DISP1: variants seen among roughly 807,000 people sequenced by gnomAD.
DISP1 encodes protein dispatched homolog 1.
Under a neutral mutation model 37.3 loss-of-function variants are expected in DISP1, and 30 were observed. The ratio of observed to expected loss-of-function variants is 0.80; its 90% CI spans 0.60 to 1.09. The LOEUF (loss-of-function observed/expected upper bound fraction) is 1.09. Among genes scored for constraint, DISP1 ranks in the 50% least tolerant of loss-of-function variants. The probability of loss-of-function intolerance (pLI) is 0.00; values close to 1 mark genes in which losing one functional copy is unlikely to be tolerated. For missense variants in DISP1, 1,598 were observed against 1,879.5 expected (o/e 0.85, Z 2.77); for synonymous variants, 634 against 690.2 (o/e 0.92, Z 1.28).
chr1:222,902,497 T>C (rs1485576674), intron 1 of DISP1, among the ~76,000 whole-genome samples: 4 of 152,076 alleles, frequency 2.6e-5, no homozygotes, highest in Admixed American at 2.0e-4. Context: ...CAAAAGAAAC[T>C]ACCATCAGAG....
intron 3 of DISP1, among the ~76,000 whole-genome samples, chr1:222,981,815 A>C (rs1307114756): frequency 6.6e-6 from 1 of 152,202 alleles, no homozygotes; most frequent in South Asian, 2.1e-4. Context: ...ATTTCATTTT[A>C]AGAAAGAGTA....
At chr1:222,823,931 CAACTTGACA>C (rs1663618278) in intron 1 of DISP1, 2 of 147,540 alleles carry the variant, frequency 1.4e-5, no homozygotes. Flanking sequence ...GGACCTTTTT[CAACTTGACA>C]AATAGGTATA....
chr1:223,002,798 T>C lies in DISP1; in HGVS notation c.1401T>C (p.Ile467=), dbSNP rs766527402. The change falls in exon 9 of 9, where the codon ATT becomes ATC. Residue 467 remains isoleucine, a synonymous_variant. Transcript: ENST00000675850. ...AGAAAGGGGAGAGCATGATGAACAT[T>C]TACTTGGACAACTTTGAAAACTGGA... ...PTEKGESMMN[I]YLDNFENWNS... 6.2e-6 allele frequency: 10 copies of C among 1,613,964 alleles called. No homozygotes were observed. The highest frequency in any genetic ancestry group is 8.5e-6 in the Non-Finnish European group (10 of 1,180,038).
At chr1:222,884,753 G>A (rs1558310979) in intron 1 of DISP1, among the ~76,000 whole-genome samples, 1 of 152,138 alleles carries the variant, frequency 6.6e-6, no homozygotes, top group South Asian at 2.1e-4. Context: ...TGATTAATGA[G>A]TATCTTTTGC....
In DISP1 at chr1:223,004,642, C is replaced by T. The variant is rs765224335; in HGVS notation, c.3245C>T (p.Ala1082Val). 1.7e-5 allele frequency: 27 copies of T among 1,613,922 alleles called. No individual in the cohort carries two copies. The highest frequency in any genetic ancestry group is 2.2e-5 in the Non-Finnish European group (26 of 1,180,008). Reference protein sequence around the residue: ...VIFSLSRVGSAMAMAALTTFV... With the variant: ...VIFSLSRVGSVMAMAALTTFV... ...TTCTCTCTGAGTCGCGTGGGCTCTG[C>T]GATGGCCATGGCTGCCCTGACCACC... Residue 1082 changes from alanine (A) to valine (V), a missense_variant, in exon 9 of 9, where the codon GCG (alanine) becomes GTG (valine). By Grantham distance (64) the Ala-to-Val change is moderately conservative. Coordinates refer to ENST00000675850, the MANE Select transcript of DISP1 (RefSeq NM_001377229.1). The surrounding 1 kb of genome is among the most constrained non-coding windows in gnomAD (Gnocchi z 4.9).
At position 222,914,002 on chromosome 1, in the gene DISP1, GT is replaced by G. The variant is rs34776955; in HGVS notation, c.-158-14412del. ...TACTGTTATATGTGTTTTTTTGGTTGTTTTTTTTTTTTTTTTAACCCAAGCT... is the reference window on the plus strand; with the variant it reads ...TACTGTTATATGTGTTTTTTTGGTTGTTTTTTTTTTTTTTTAACCCAAGCT... On this transcript the variant is annotated intron_variant, in intron 1 of 8. Coordinates refer to ENST00000675850, the MANE Select transcript of DISP1 (RefSeq NM_001377229.1). Among the ~76,000 whole-genome samples, 563 of 128,656 alleles carry G rather than the reference GT, an allele frequency of 4.4e-3. 1 individual carries two copies. Among genetic ancestry groups the G allele is most frequent in the Middle Eastern group, 0.014 (3 of 218 alleles). The allele number at this position is 128,656 out of a possible 152,430, so 84.4% of individuals were successfully genotyped here.
intron 1 of DISP1, among the ~76,000 whole-genome samples, chr1:222,817,487 G>T (rs1661535683): frequency 2.0e-5 from 3 of 152,110 alleles, no homozygotes; most frequent in Admixed American, 1.3e-4. Flanking sequence ...TCAATTATCG[G>T]CATACTCTAG....
intron 1 of DISP1, among the ~76,000 whole-genome samples, chr1:222,826,192 C>G (rs1381352195): frequency 6.6e-6 from 1 of 152,096 alleles, no homozygotes; most frequent in African/African-American, 2.4e-5. Flanking sequence ...GCTTGAGCCA[C>G]CATGCCCAGC....
chr1:222,939,555 G>T (rs1674224174), intron 2 of DISP1, among the ~76,000 whole-genome samples: 1 of 151,950 alleles, frequency 6.6e-6, no homozygotes, highest in African/African-American at 2.4e-5. Flanking sequence ...GGGCACAGTG[G>T]CTCACGCCTG....
At chr1:222,938,695 T>C (rs1674146286) in intron 2 of DISP1, among the ~76,000 whole-genome samples, 1 of 128,894 alleles carries the variant, frequency 7.8e-6, no homozygotes, top group Admixed American at 9.9e-5. Context: ...ATCGCACCAG[T>C]GCACTCAAGC....
chr1:222,939,863 C>A (rs201266666), intron 2 of DISP1, among the ~76,000 whole-genome samples: 1 of 151,380 alleles, frequency 6.6e-6, no homozygotes, highest in Non-Finnish European at 1.5e-5. Context: ...CAGTGGCTCA[C>A]GCCTGTAATC....
At chr1:222,842,315 A>ATTT (rs757221485) in intron 1 of DISP1, among the ~76,000 whole-genome samples, 10,357 of 147,810 alleles carry the variant, frequency 0.07, 401 homozygotes, top group Non-Finnish European at 0.087. Context: ...TGTCATTTTA[A>ATTT]AAAAAAAAAA....
intron 4 of DISP1, among the ~76,000 whole-genome samples, chr1:222,985,314 C>G (rs186401192): frequency 6.6e-6 from 1 of 152,162 alleles, no homozygotes; most frequent in East Asian, 1.9e-4. Flanking sequence ...TTATTGCTTC[C>G]CTTATTGAAT....
intron 1 of DISP1, among the ~76,000 whole-genome samples, chr1:222,883,796 C>G (rs72742233): frequency 0.054 from 8,287 of 152,220 alleles, 343 homozygotes; most frequent in Middle Eastern, 0.095. Context: ...TGTAGTGTTA[C>G]AATTCTATAC....
intron 2 of DISP1, among the ~76,000 whole-genome samples, chr1:222,936,693 G>C (rs59520067): frequency 1.1e-4 from 10 of 87,712 alleles, no homozygotes; most frequent in African/African-American, 2.2e-4. Flanking sequence ...TAAAATATAT[G>C]ATATATATCA....
At chr1:222,975,582 AT>A (rs1677255760) in intron 3 of DISP1, among the ~76,000 whole-genome samples, 1 of 151,986 alleles carries the variant, frequency 6.6e-6, no homozygotes, top group Non-Finnish European at 1.5e-5. Flanking sequence ...TTTTTTAAAA[AT>A]TTCCCTTGCC....
chr1:222,869,165 G>T (rs1050479733), intron 1 of DISP1, among the ~76,000 whole-genome samples: 2 of 152,090 alleles, frequency 1.3e-5, no homozygotes, highest in African/African-American at 4.8e-5. Flanking sequence ...AAGTGTAAAT[G>T]CTCCTGTAAT....
chr1:222,917,496 G>A (rs901926688), intron 1 of DISP1, among the ~76,000 whole-genome samples: 4 of 152,210 alleles, frequency 2.6e-5, no homozygotes, highest in Admixed American at 6.5e-5. Context: ...GTGCCCTAAA[G>A]AGGTAAAGAG....
chr1:222,850,560 A>G (rs1668169638), intron 1 of DISP1, among the ~76,000 whole-genome samples: 1 of 152,014 alleles, frequency 6.6e-6, no homozygotes, highest in African/African-American at 2.4e-5. Flanking sequence ...CCTGGTACCC[A>G]ATAGTGATCT....
Sources: gnomAD v4.1 joint callset for allele counts (sites outside exome capture counted in the v4.1 genomes callset) on GRCh38, gnomAD v4.1.1 for gene constraint, Gnocchi (gnomAD v3.1) non-coding constraint, MANE v1.5 for transcripts, NCBI Gene and HGNC (gene_info 2026-07-23, HGNC 2026-07-21) for gene names.